Variants in PDGFRA observed in about 807,000 individuals in gnomAD.
PDGFRA encodes the protein platelet derived growth factor receptor alpha.
Under a neutral mutation model 121.5 loss-of-function variants are expected in PDGFRA, and 25 were observed. The ratio of observed to expected loss-of-function variants is 0.21; its 90% confidence interval spans 0.15 to 0.29. The LOEUF is 0.29. Ranked by LOEUF, PDGFRA falls within the 10% of genes least tolerant of loss-of-function variation. PDGFRA has a pLI of 1.00. For synonymous variants in PDGFRA, 463 were observed against 494.8 expected, an observed-to-expected ratio of 0.94 and a Z score of 0.85; for missense variants, 1,008 against 1,345.1, an observed-to-expected ratio of 0.75 and a Z score of 3.92.
intron 22 of PDGFRA, among the ~76,000 whole-genome samples, chr4:54,294,642 G>C (rs1324199019): frequency 6.6e-6 from 1 of 151,984 alleles, no homozygotes; most frequent in Non-Finnish European, 1.5e-5. Context: ...GGGGTTGGTG[G>C]GGGGGCATTT....
At chr4:54,278,579 C>A (rs2110317830) in intron 15 of PDGFRA, 64 bp downstream of exon 15, 1 of 1,503,688 alleles carries the variant, frequency 6.7e-7, no homozygotes, top group South Asian at 1.1e-5. Flanking sequence ...TGGAAAGACC[C>A]ATGTCCTGAT....
In PDGFRA at chr4:54,296,359, T is replaced by A. The variant is rs988688062; in HGVS notation, c.*1087T>A. 3 of 173,616 alleles carry A rather than the reference T, an allele frequency of 1.7e-5. No individual in the cohort carries two copies. The highest frequency in any genetic ancestry group is 3.1e-5 in the Non-Finnish European group (3 of 97,254). 10.8% of individuals were successfully genotyped at this position (173,616 alleles called of 1,614,324 possible). ...ATAATGATCAGCAAAAAGACTGGAT[T>A]TGCAGAAGTTTTTTTTTTTTTTTTC... On this transcript the variant is annotated 3_prime_UTR_variant, in exon 23 of 23. Transcript: ENST00000257290.
rs766574854 is a variant in PDGFRA, at chr4:54,277,891, A to G, written c.1892-5A>G. On this transcript the variant is annotated splice_region_variant and splice_polypyrimidine_tract_variant and intron_variant, in intron 13 of 22. Transcript: ENST00000257290. ...GGACTGATATGTGATTTATTCTTTC[A>G]ACAGCCACGGCCAGATCCAGTGAAA... The G allele has an allele frequency of 5.6e-6, 9 of 1,602,264 alleles. No homozygotes were observed. Among genetic ancestry groups the G allele is most frequent in the African/African-American group, 1.3e-5 (1 of 74,662 alleles).
chr4:54,294,189 C>T (rs1724767794), intron 22 of PDGFRA, among the ~76,000 whole-genome samples: 1 of 151,656 alleles, frequency 6.6e-6, no homozygotes, highest in African/African-American at 2.4e-5. Context: ...GTTTATATCT[C>T]TTGAGCATAC....
In PDGFRA at chr4:54,298,098, C is replaced by CAAT. The variant is rs1724966199; in HGVS notation, c.*2827_*2829dup. On this transcript the variant is annotated 3_prime_UTR_variant, in exon 23 of 23. Coordinates refer to ENST00000257290, the MANE Select transcript of PDGFRA (RefSeq NM_006206.6). ...GAAAGATACTTACATGTTCCCAAAA[C>CAAT]AATGGTGTGGTGAATGTGTGAGAAA... 1 of 221,270 alleles carries CAAT rather than the reference C, an allele frequency of 4.5e-6. No individual in the cohort carries two copies. Among genetic ancestry groups the CAAT allele is most frequent in the African/African-American group, 2.2e-5 (1 of 44,772 alleles). The allele number at this position is 221,270 out of a possible 1,614,324, so 13.7% of individuals were successfully genotyped here.
chr4:54,246,895 C>T (rs530616540), intron 1 of PDGFRA, among the ~76,000 whole-genome samples: 1,528 of 152,014 alleles, frequency 0.01, 18 homozygotes, highest in African/African-American at 0.034. Context: ...ATATCACCAC[C>T]GATCCCACAG....
intron 1 of PDGFRA, among the ~76,000 whole-genome samples, chr4:54,256,132 C>G (rs1209722893): frequency 6.6e-6 from 1 of 152,198 alleles, no homozygotes; most frequent in East Asian, 1.9e-4. Flanking sequence ...CCTGTAATCC[C>G]AGTACTTTGG....
At chr4:54,294,228 G>A (rs917829840) in intron 22 of PDGFRA, among the ~76,000 whole-genome samples, 4 of 151,900 alleles carry the variant, frequency 2.6e-5, no homozygotes, top group Non-Finnish European at 5.9e-5. Flanking sequence ...GGGGGTCTGC[G>A]ATGGAACTTC....
chr4:54,276,448 A>G (rs774620262), intron 12 of PDGFRA, among the ~76,000 whole-genome samples: 26 of 152,168 alleles, frequency 1.7e-4, no homozygotes, highest in Non-Finnish European at 3.7e-4. Flanking sequence ...TAGGCAGCGG[A>G]CAAGGAGAAT....
intron 1 of PDGFRA, among the ~76,000 whole-genome samples, chr4:54,232,269 A>C (rs551103895): frequency 6.6e-6 from 1 of 152,260 alleles, no homozygotes; most frequent in African/African-American, 2.4e-5. Context: ...CTGGGGCGCA[A>C]GATGCAGGAT....
intron 1 of PDGFRA, among the ~76,000 whole-genome samples, chr4:54,236,407 A>T (rs1177529934): frequency 1.3e-5 from 2 of 152,178 alleles, no homozygotes; most frequent in African/African-American, 4.8e-5. Flanking sequence ...TAGGTGAGGA[A>T]ATTCCCCATG....
chr4:54,271,741 A>C (rs1252601299), intron 8 of PDGFRA, among the ~76,000 whole-genome samples: 35 of 92,768 alleles, frequency 3.8e-4, no homozygotes, highest in African/African-American at 6.6e-4. Flanking sequence ...TTCCTTCCTC[A>C]CTCACTCTTT....
At chr4:54,249,426 C>T (rs1373922065) in intron 1 of PDGFRA, among the ~76,000 whole-genome samples, 1 of 152,158 alleles carries the variant, frequency 6.6e-6, no homozygotes, top group Non-Finnish European at 1.5e-5. Context: ...AAATGTGGCA[C>T]ATATACACCA....
intron 1 of PDGFRA, among the ~76,000 whole-genome samples, chr4:54,255,226 T>G (rs1333510580): frequency 6.6e-6 from 1 of 152,176 alleles, no homozygotes; most frequent in Non-Finnish European, 1.5e-5. Context: ...ATGCAAACTT[T>G]GGCTTAGTAA....
At chr4:54,275,668 C>T (rs998977665) in intron 12 of PDGFRA, among the ~76,000 whole-genome samples, 3 of 152,272 alleles carry the variant, frequency 2.0e-5, no homozygotes, top group East Asian at 1.9e-4. Flanking sequence ...AATTATCCAC[C>T]GGTCTCATTG....
At chr4:54,242,475 G>A (rs1721358917) in intron 1 of PDGFRA, among the ~76,000 whole-genome samples, 1 of 151,884 alleles carries the variant, frequency 6.6e-6, no homozygotes, top group Non-Finnish European at 1.5e-5. Flanking sequence ...GATTTAAAAG[G>A]ATTTTTTAAA....
intron 8 of PDGFRA, 127 bp from the exon 9 acceptor site, chr4:54,272,267 T>G: frequency 1.1e-6 from 1 of 921,458 alleles, no homozygotes; most frequent in South Asian, 1.4e-5. Context: ...CTTGTACAAC[T>G]GGTTTCAGCC....
Position 54,240,041 on chromosome 4 carries a change from C to T in PDGFRA, c.-13+10626C>T, listed in dbSNP as rs112739463. 97 of 419,632 alleles carry T rather than the reference C, an allele frequency of 2.3e-4. 1 individual carries two copies. The highest frequency in any genetic ancestry group is 7.4e-4 in the African/African-American group (36 of 48,538). The allele number at this position is 419,632 out of a possible 1,614,324, so 26.0% of individuals were successfully genotyped here. A position where few individuals can be genotyped will look rare whatever the true frequency, so the allele number is the denominator to read the frequency against. ...AAATTTTGTATTTTTTTTGTAGAGA[C>T]GGGGTTTTGCCATGCTGCCTAGACT... On this transcript the variant is annotated intron_variant, in intron 1 of 22. Transcript: ENST00000257290.
intron 1 of PDGFRA, among the ~76,000 whole-genome samples, chr4:54,251,946 A>G (rs981383535): frequency 1.3e-5 from 2 of 152,266 alleles, no homozygotes; most frequent in African/African-American, 4.8e-5. Flanking sequence ...TTAAAACTTT[A>G]TGGCAAACAA....
Sources: gnomAD v4.1 joint callset for allele counts (sites outside exome capture counted in the v4.1 genomes callset) on GRCh38, gnomAD v4.1.1 for gene constraint, MANE v1.5 for transcripts, NCBI Gene and HGNC (gene_info 2026-07-23, HGNC 2026-07-21) for gene names.